FOCAD: variants seen among roughly 807,000 people sequenced by gnomAD.
FOCAD encodes the protein focadhesin.
In FOCAD, 198 loss-of-function variants were observed where a neutral mutation model predicts 225.6. The ratio of observed to expected loss-of-function variants is 0.88; its 90% confidence interval spans 0.78 to 0.99. The LOEUF is 0.99. Among genes scored for constraint, FOCAD ranks in the 50% least tolerant of loss-of-function variants. The pLI is 0.00. For synonymous variants in FOCAD, 897 were observed against 755.0 expected (o/e 1.19, Z -3.08); for missense variants, 2,713 against 2,123.6 (o/e 1.28, Z -5.46).
At chr9:20,799,548 A>G (rs574305961) in intron 11 of FOCAD, among the ~76,000 whole-genome samples, 86 of 152,166 alleles carry the variant, frequency 5.7e-4, no homozygotes, top group Non-Finnish European at 1.0e-3. Flanking sequence ...GGGTGCATAT[A>G]TATTTAGGAT....
At chr9:20,978,160 T>A (rs1840373011) in intron 36 of FOCAD, among the ~76,000 whole-genome samples, 179 bp from the exon 37 acceptor site, 1 of 152,218 alleles carries the variant, frequency 6.6e-6, no homozygotes, top group Non-Finnish European at 1.5e-5. Context: ...TGTGATGCCA[T>A]TGGACATGTT....
intron 8 of FOCAD, among the ~76,000 whole-genome samples, chr9:20,776,525 T>G (rs2131057695): frequency 2.0e-5 from 3 of 152,350 alleles, no homozygotes; most frequent in Admixed American, 2.0e-4. Context: ...TGTGGTCTAA[T>G]CCTCCACCAT....
chr9:20,658,098 G>C (rs1028992753), upstream of FOCAD, among the ~76,000 whole-genome samples: 9 of 150,554 alleles, frequency 6.0e-5, no homozygotes, highest in East Asian at 5.9e-4. Flanking sequence ...TCAGGGGTCA[G>C]GGGTCAGGGA....
At chr9:20,970,751 TG>T (rs1195503672) in intron 35 of FOCAD, among the ~76,000 whole-genome samples, 8 of 152,170 alleles carry the variant, frequency 5.3e-5, no homozygotes, top group African/African-American at 1.9e-4. Context: ...TTTCATTTTA[TG>T]CTCCATATTT....
intron 2 of FOCAD, among the ~76,000 whole-genome samples, chr9:20,678,893 A>T (rs1020017640): frequency 6.6e-6 from 1 of 152,060 alleles, no homozygotes; most frequent in African/African-American, 2.4e-5. Context: ...AAACTCTTCA[A>T]TGTTTCCTAG....
At chr9:20,969,993 T>TA (rs1839622568) in intron 35 of FOCAD, among the ~76,000 whole-genome samples, 1 of 151,038 alleles carries the variant, frequency 6.6e-6, no homozygotes, top group South Asian at 2.1e-4. Flanking sequence ...CGATGACAGT[T>TA]TTTTTTTTTT....
At chr9:20,794,014 T>A (rs1341327211) in intron 11 of FOCAD, among the ~76,000 whole-genome samples, 6 of 152,162 alleles carry the variant, frequency 3.9e-5, no homozygotes, top group African/African-American at 1.2e-4. Flanking sequence ...CCTTCCACAG[T>A]CAGCCCTTCA....
intron 1 of FOCAD, among the ~76,000 whole-genome samples, chr9:20,707,268 C>A (rs188258818): frequency 6.6e-6 from 1 of 152,264 alleles, no homozygotes; most frequent in East Asian, 1.9e-4. Context: ...AAAGTATTTT[C>A]TACTCTGGGT....
chr9:20,922,659 C>T (rs1834555828), intron 24 of FOCAD, among the ~76,000 whole-genome samples: 1 of 152,130 alleles, frequency 6.6e-6, no homozygotes, highest in Admixed American at 6.5e-5. Flanking sequence ...CTGAGGTAAG[C>T]AGGAAGTGGT....
chr9:20,969,491 G>A (rs1043309897), intron 35 of FOCAD, among the ~76,000 whole-genome samples: 5 of 151,770 alleles, frequency 3.3e-5, no homozygotes, highest in Non-Finnish European at 5.9e-5. Context: ...TAAATTTCTT[G>A]ATTAATCTAA....
At chr9:20,771,325 A>C (rs1818204123) in intron 8 of FOCAD, among the ~76,000 whole-genome samples, 1 of 152,232 alleles carries the variant, frequency 6.6e-6, no homozygotes, top group Non-Finnish European at 1.5e-5. Flanking sequence ...ACCTTTCAGC[A>C]GATCTCATTT....
In FOCAD at chr9:20,944,911, C is replaced by T. The variant is rs114825519; in HGVS notation, c.3555+137C>T. The T allele has an allele frequency of 5.6e-4, 520 of 926,508 alleles. 3 individuals are homozygous for T. In the African/African-American group the frequency reaches 7.5e-3, roughly 13 times the overall value. The allele number at this position is 926,508 out of a possible 1,614,324, so 57.4% of individuals were successfully genotyped here. A position where few individuals can be genotyped will look rare whatever the true frequency, so the allele number is the denominator to read the frequency against. ...AAGAGAAAATCTGAATGACAAACAA[C>T]CAATATTAGATCATAAGGTTTTCAT... On this transcript the variant is annotated intron_variant, in intron 29 of 43. Coordinates refer to ENST00000338382, the MANE Select transcript of FOCAD (RefSeq NM_001375567.1).
At chr9:20,674,438 G>T (rs776042908) in intron 2 of FOCAD, among the ~76,000 whole-genome samples, 11 of 152,106 alleles carry the variant, frequency 7.2e-5, no homozygotes, top group Non-Finnish European at 1.6e-4. Flanking sequence ...ACCAAGAGCT[G>T]CTAATTAAAC....
At chr9:20,667,120 C>T (rs907904703) in intron 2 of FOCAD, among the ~76,000 whole-genome samples, 4 of 152,184 alleles carry the variant, frequency 2.6e-5, no homozygotes, top group Non-Finnish European at 4.4e-5. Context: ...AGTCGAATTT[C>T]GAATCTACCA....
intron 17 of FOCAD, 42 bp from the exon 18 acceptor site, chr9:20,866,887 G>GGTTTTTT: frequency 2.2e-6 from 1 of 451,114 alleles, no homozygotes; most frequent in Non-Finnish European, 3.0e-6. Context: ...TTGTTTGCTT[G>GGTTTTTT]CTTTTTTTTT....
chr9:20,839,211 G>C (rs578047980), intron 15 of FOCAD, among the ~76,000 whole-genome samples: 1 of 150,212 alleles, frequency 6.7e-6, no homozygotes, highest in South Asian at 2.1e-4. Context: ...TTGTTATAAG[G>C]TTTATGTGAG....
chr9:20,965,242 C>A (rs545992955), intron 35 of FOCAD, among the ~76,000 whole-genome samples: 5 of 152,236 alleles, frequency 3.3e-5, no homozygotes, highest in African/African-American at 9.6e-5. Context: ...GGTGGAGTGG[C>A]AGGGCCAATG....
chr9:20,876,719 T>A (rs1445868236), intron 19 of FOCAD, among the ~76,000 whole-genome samples: 1 of 152,196 alleles, frequency 6.6e-6, no homozygotes, highest in Non-Finnish European at 1.5e-5. Flanking sequence ...CTTTGATTAT[T>A]ACAGAACTAG....
chr9:20,797,769 A>T (rs1039087989), intron 11 of FOCAD, among the ~76,000 whole-genome samples: 1 of 152,102 alleles, frequency 6.6e-6, no homozygotes, highest in African/African-American at 2.4e-5. Context: ...GGTTTTCTAG[A>T]TATACAATCA....
Sources: gnomAD v4.1 joint callset for allele counts (sites outside exome capture counted in the v4.1 genomes callset) on GRCh38, gnomAD v4.1.1 for gene constraint, MANE v1.5 for transcripts, NCBI Gene and HGNC (gene_info 2026-07-23, HGNC 2026-07-21) for gene names.